The following SLIT1 variants were observed in gnomAD, a reference collection of about 807,000 sequenced individuals.
SLIT1 encodes slit homolog 1 protein.
A neutral mutation model predicts 186.1 loss-of-function variants in SLIT1; 66 were observed. The ratio of observed to expected loss-of-function variants is 0.35; its 90% confidence interval spans 0.29 to 0.44. The LOEUF is 0.44. SLIT1 is among the 20% of genes least tolerant of loss of function. SLIT1 has a pLI of 1.00. For synonymous variants in SLIT1, 761 were observed against 833.8 expected (o/e 0.91, Z 1.50); for missense variants, 1,638 against 2,037.4 (o/e 0.80, Z 3.77).
At chr10:97,118,843 C>T (rs1257289708) in intron 4 of SLIT1, among the ~76,000 whole-genome samples, 1 of 152,204 alleles carries the variant, frequency 6.6e-6, no homozygotes, top group Non-Finnish European at 1.5e-5. Flanking sequence ...TGAGACAGTA[C>T]ATATAAAATG....
At chr10:97,122,784 C>T (rs984184468) in intron 4 of SLIT1, among the ~76,000 whole-genome samples, 2 of 152,058 alleles carry the variant, frequency 1.3e-5, no homozygotes, top group African/African-American at 4.8e-5. Context: ...CTTGCCAGTG[C>T]CAGCAAACTA....
At chr10:97,083,465 G>A (rs1849125886) in intron 4 of SLIT1, among the ~76,000 whole-genome samples, 1 of 152,154 alleles carries the variant, frequency 6.6e-6, no homozygotes, top group Non-Finnish European at 1.5e-5. Flanking sequence ...GAGGGAGGAG[G>A]TGAAAGCCTG....
chr10:97,131,407 C>T (rs1371405202), intron 4 of SLIT1, among the ~76,000 whole-genome samples: 1 of 152,244 alleles, frequency 6.6e-6, no homozygotes, highest in Non-Finnish European at 1.5e-5. Flanking sequence ...TGCGCCCACC[C>T]AGCCCTGGAC....
Position 97,066,098 on chromosome 10 carries a change from A to C in SLIT1, c.414-12T>G. On this transcript the variant is annotated splice_polypyrimidine_tract_variant and intron_variant, in intron 4 of 36. Coordinates refer to ENST00000266058, the MANE Select transcript of SLIT1 (RefSeq NM_003061.3). Reference sequence around the variant, plus strand: ...TCTCACTCAAGTCCCTGGGAGGATAAAGCCAGAGGGAGAGAAAACACCGGT... The same window carrying C: ...TCTCACTCAAGTCCCTGGGAGGATACAGCCAGAGGGAGAGAAAACACCGGT... 2 of 1,593,028 alleles carry C rather than the reference A, an allele frequency of 1.3e-6. No homozygotes were observed. Among genetic ancestry groups the C allele is most frequent in the Non-Finnish European group, 1.7e-6 (2 of 1,166,892 alleles).
intron 25 of SLIT1, among the ~76,000 whole-genome samples, chr10:97,027,286 T>A (rs921075387): frequency 2.8e-4 from 42 of 152,376 alleles, no homozygotes; most frequent in African/African-American, 9.9e-4. Context: ...GTGCTCAATA[T>A]TCTTTCTGGA....
intron 4 of SLIT1, among the ~76,000 whole-genome samples, chr10:97,089,238 G>GA (rs1392504210): frequency 2.6e-5 from 4 of 151,764 alleles, no homozygotes; most frequent in Non-Finnish European, 4.4e-5. Context: ...AGTGAAAGAA[G>GA]AAAAAAAAGA....
At chr10:97,153,771 G>A (rs1849910338) in intron 4 of SLIT1, 1 of 152,258 alleles carries the variant, frequency 6.6e-6, no homozygotes, top group Non-Finnish European at 1.5e-5. Flanking sequence ...TTGGCACCAT[G>A]GCTGACCTGA....
rs889557671 is a variant in SLIT1, at chr10:97,138,294, C to T, written c.413+19524G>A. 2.0e-5 allele frequency among the ~76,000 whole-genome samples: 3 copies of T among 152,236 alleles called. No individual in the cohort carries two copies. In the East Asian group the frequency reaches 5.8e-4, roughly 29 times the overall value. On this transcript the variant is annotated intron_variant, in intron 4 of 36. Coordinates refer to ENST00000266058, the MANE Select transcript of SLIT1 (RefSeq NM_003061.3). ...AGTCCAGATGGAAGCTGCACAGTGG[C>T]CTCCCCACTTACGGGCCTCCGGGTC... is the stretch of plus-strand genomic sequence containing the variant.
intron 4 of SLIT1, among the ~76,000 whole-genome samples, chr10:97,079,646 G>A (rs928229017): frequency 3.3e-5 from 5 of 152,338 alleles, no homozygotes; most frequent in Middle Eastern, 3.4e-3. Context: ...ACTGCACGGA[G>A]GACAGTGTGG....
At chr10:97,092,145 G>A (rs2134663942) in intron 4 of SLIT1, among the ~76,000 whole-genome samples, 1 of 152,386 alleles carries the variant, frequency 6.6e-6, no homozygotes, top group Admixed American at 6.5e-5. Flanking sequence ...AGATTGTCAA[G>A]CAGGGTTCTG....
Position 97,021,458 on chromosome 10 carries a change from T to TC in SLIT1, c.2583-46dup. On this transcript the variant is annotated intron_variant, in intron 25 of 36. Coordinates refer to ENST00000266058, the MANE Select transcript of SLIT1 (RefSeq NM_003061.3). The surrounding 1 kb of genome is among the most constrained non-coding windows in gnomAD (Gnocchi z 4.5). ...AAGCAGGCATTACAGCTTCATGGGGTCCCTCGCCCACTGGGAACCTAGAGT... is the reference window on the plus strand; with the variant it reads ...AAGCAGGCATTACAGCTTCATGGGGTCCCCTCGCCCACTGGGAACCTAGAGT... 1 of 1,571,218 alleles carries TC rather than the reference T, an allele frequency of 6.4e-7. No individual in the cohort carries two copies. The highest frequency in any genetic ancestry group is 8.7e-7 in the Non-Finnish European group (1 of 1,154,776).
intron 4 of SLIT1, among the ~76,000 whole-genome samples, chr10:97,119,714 G>T (rs1849541618): frequency 6.6e-6 from 1 of 151,166 alleles, no homozygotes; most frequent in Non-Finnish European, 1.5e-5. Context: ...CCCGGTGGAC[G>T]CCCACTCTGT....
chr10:97,032,067 AG>A (rs893738983), intron 23 of SLIT1, among the ~76,000 whole-genome samples: 1 of 152,270 alleles, frequency 6.6e-6, no homozygotes, highest in Admixed American at 6.5e-5. Context: ...CAAGGTGCAT[AG>A]GCGAGTTCCC....
chr10:97,096,184 G>A (rs1051675331), intron 4 of SLIT1, among the ~76,000 whole-genome samples: 3 of 152,324 alleles, frequency 2.0e-5, no homozygotes, highest in East Asian at 1.9e-4. Context: ...GCTGCGGCCC[G>A]AGCTTAGGGA....
At chr10:97,170,582 G>A (rs1183035093) in intron 1 of SLIT1, among the ~76,000 whole-genome samples, 3 of 152,160 alleles carry the variant, frequency 2.0e-5, no homozygotes, top group Admixed American at 6.5e-5. Context: ...CAGGGAAGAC[G>A]CCCTAAGCGC....
intron 1 of SLIT1, among the ~76,000 whole-genome samples, chr10:97,177,704 G>A (rs371512462): frequency 4.3e-4 from 66 of 152,262 alleles, no homozygotes; most frequent in Non-Finnish European, 4.1e-4. Flanking sequence ...GGCCGGGCGC[G>A]GTGGCTCACG....
chr10:97,141,725 T>C (rs1316130684), intron 4 of SLIT1, among the ~76,000 whole-genome samples: 5 of 128,180 alleles, frequency 3.9e-5, no homozygotes, highest in African/African-American at 6.4e-5. Flanking sequence ...CTGTATTGTA[T>C]TGTACTGTAT....
chr10:97,013,760 C>G lies in SLIT1; in HGVS notation c.3184G>C (p.Gly1062Arg). Residue 1062 changes from glycine to arginine, a missense_variant, in exon 30 of 37, where the codon GGC (glycine) becomes CGC (arginine). Physicochemically the swap from Gly to Arg is moderately radical, Grantham distance 125. Coordinates refer to ENST00000266058, the MANE Select transcript of SLIT1 (RefSeq NM_003061.3). ...ACTCACCTGGGCCCATCCGGGGTGC[C>G]CACACACTGGGCCTCGTGTTGACAT... ...NPCQHEAQCV[G>R]TPDGPRCECM... is the part of the protein sequence containing the mutation. 6.4e-7 allele frequency: 1 copy of G among 1,551,574 alleles called. No homozygotes were observed. Among genetic ancestry groups the G allele is most frequent in the Non-Finnish European group, 8.7e-7 (1 of 1,146,932 alleles).
intron 4 of SLIT1, among the ~76,000 whole-genome samples, chr10:97,122,123 CA>C (rs1849565265): frequency 6.6e-6 from 1 of 152,140 alleles, no homozygotes; most frequent in African/African-American, 2.4e-5. Context: ...AGGACAGAGC[CA>C]ACTACATTTC....
Sources: gnomAD v4.1 joint callset for allele counts (sites outside exome capture counted in the v4.1 genomes callset) on GRCh38, gnomAD v4.1.1 for gene constraint, Gnocchi (gnomAD v3.1) non-coding constraint, MANE v1.5 for transcripts, NCBI Gene and HGNC (gene_info 2026-07-23, HGNC 2026-07-21) for gene names.